The following NXF1 variants were observed in gnomAD, a reference collection of about 807,000 sequenced individuals.
NXF1 encodes nuclear RNA export factor 1.
A neutral mutation model predicts 92.4 loss-of-function variants in NXF1; 43 were observed. The ratio of observed to expected loss-of-function variants is 0.47; its 90% CI spans 0.36 to 0.60. The LOEUF (loss-of-function observed/expected upper bound fraction) is 0.60, where lower values mean the gene tolerates loss of function less well. Ranked by LOEUF, NXF1 falls within the 20% of genes least tolerant of loss-of-function variation. The probability of loss-of-function intolerance (pLI) is 0.00; values close to 1 mark genes in which losing one functional copy is unlikely to be tolerated. For missense variants in NXF1, 576 were observed against 793.0 expected, an observed-to-expected ratio of 0.73 and a Z score of 3.29; for synonymous variants, 288 against 292.2, an observed-to-expected ratio of 0.99 and a Z score of 0.15.
chr11:62,796,686 C>T (rs917362843), intron 13 of NXF1, 119 bp from the exon 14 acceptor site: 6 of 680,988 alleles, frequency 8.8e-6, no homozygotes, highest in Non-Finnish European at 1.3e-5. Flanking sequence ...AATCCCAGCA[C>T]TTTGGGAGGC....
chr11:62,798,294 A>G (rs2084441868), intron 11 of NXF1, among the ~76,000 whole-genome samples: 1 of 150,674 alleles, frequency 6.6e-6, no homozygotes, highest in Non-Finnish European at 1.5e-5. Flanking sequence ...CAGGTGTGGT[A>G]GCACATGCCT....
chr11:62,799,449 G>A, intron 10 of NXF1: 1 of 985,800 alleles, frequency 1.0e-6, no homozygotes, highest in Non-Finnish European at 1.2e-6. Flanking sequence ...TCAGGCCCCT[G>A]TAGGATTGTG....
chr11:62,797,540 C>CA (rs919084154), intron 11 of NXF1, among the ~76,000 whole-genome samples, 154 bp from the exon 12 acceptor site: 5 of 151,196 alleles, frequency 3.3e-5, no homozygotes, highest in Non-Finnish European at 5.9e-5. Context: ...CCATCTCTAC[C>CA]AAAAAAAATA....
intron 9 of NXF1, among the ~76,000 whole-genome samples, chr11:62,800,806 G>C (rs538074197): frequency 1.3e-5 from 2 of 151,878 alleles, no homozygotes; most frequent in South Asian, 4.2e-4. Context: ...TTTGAGACAG[G>C]TTGCTCAGGC....
rs1479085945 is a variant in NXF1, at chr11:62,803,343, G to A, written c.369+76C>T. The A allele has an allele frequency of 6.6e-6, 8 of 1,213,396 alleles. No homozygotes were observed. The South Asian group carries it at 1.1e-4, about 17-fold the overall frequency. The allele number at this position is 1,213,396 out of a possible 1,614,324, so 75.2% of individuals were successfully genotyped here. A position where few individuals can be genotyped will look rare whatever the true frequency, so the allele number is the denominator to read the frequency against. ...AAAAATAATAATAATAATTTTTGTG[G>A]AATAAAATTAAACATCTCCACTCTC... is the stretch of plus-strand genomic sequence containing the variant. On this transcript the variant is annotated intron_variant, in intron 3 of 20. Transcript: ENST00000294172.
Position 62,798,591 on chromosome 11 carries a change from C to T in NXF1, c.1017-16G>A, listed in dbSNP as rs767994563. ...GCGAATGGCGCTGTCAAGAACGGGA[C>T]AGAAGTGAGTGATGCTTCAGAGCCA... On this transcript the variant is annotated splice_polypyrimidine_tract_variant and intron_variant, in intron 10 of 20. Transcript: ENST00000294172. 7.4e-6 allele frequency: 12 copies of T among 1,613,912 alleles called. No homozygotes were observed. The highest frequency in any genetic ancestry group is 1.7e-5 in the Admixed American group (1 of 59,974).
chr11:62,796,375 T>C, intron 14 of NXF1, 30 bp from the exon 15 acceptor site: 1 of 1,613,976 alleles, frequency 6.2e-7, no homozygotes, highest in South Asian at 1.1e-5. Context: ...GGACGTGGTG[T>C]TCAGAGCAGT....
chr11:62,795,175 A>C, intron 17 of NXF1, 168 bp from the exon 18 acceptor site: 1 of 615,438 alleles, frequency 1.6e-6, no homozygotes, highest in Non-Finnish European at 2.9e-6. Context: ...TCAGGTCAGA[A>C]AGGACAATAG....
At chr11:62,796,397 G>T (rs1417302267) in intron 14 of NXF1, 52 bp from the exon 15 acceptor site, 12 of 1,610,450 alleles carry the variant, frequency 7.5e-6, no homozygotes, top group African/African-American at 1.3e-5. Flanking sequence ...CTGCCAGCAG[G>T]TGTGCCCTGT....
rs1196423745 is a variant in NXF1, at chr11:62,799,275, A to G, written c.1017-700T>C. ...CACAGCCCTTTCTTTCAGCTGCCCC[A>G]TCCCTGTGGTCCAAGGTAGAAATGA... is the stretch of plus-strand genomic sequence containing the variant. On this transcript the variant is annotated intron_variant, in intron 10 of 20. Coordinates refer to ENST00000294172, the MANE Select transcript of NXF1 (RefSeq NM_006362.5). 11 of 985,478 alleles carry G rather than the reference A, an allele frequency of 1.1e-5. No homozygotes were observed. In the South Asian group the frequency reaches 4.7e-4, roughly 42 times the overall value. The allele number at this position is 985,478 out of a possible 1,614,324, so 61.0% of individuals were successfully genotyped here.
intron 19 of NXF1, 21 bp from the exon 20 acceptor site, chr11:62,792,722 G>A (rs1451188899): frequency 6.2e-7 from 1 of 1,613,486 alleles, no homozygotes; most frequent in Non-Finnish European, 8.5e-7. Context: ...AGAACAGGCA[G>A]CTCTGTAAGA....
In NXF1 at chr11:62,794,183, A is replaced by G. The variant is rs1348123466; in HGVS notation, c.1760+75T>C. On this transcript the variant is annotated intron_variant, in intron 19 of 20. Coordinates refer to ENST00000294172, the MANE Select transcript of NXF1 (RefSeq NM_006362.5). Reference sequence around the variant, plus strand: ...TTGTCTCCAAAAAAAAAACAAAAAAACTGTCAGGAGCCCTCATTATTTACT... The same window carrying G: ...TTGTCTCCAAAAAAAAAACAAAAAAGCTGTCAGGAGCCCTCATTATTTACT... 2.8e-6 allele frequency: 4 copies of G among 1,436,212 alleles called. No individual in the cohort carries two copies. The Admixed American group carries it at 8.7e-5, about 31-fold the overall frequency. 89.0% of individuals were successfully genotyped at this position (1,436,212 alleles called of 1,614,324 possible). A position where few individuals can be genotyped will look rare whatever the true frequency, so the allele number is the denominator to read the frequency against.
chr11:62,801,771 C>A lies in NXF1; in HGVS notation c.607G>T (p.Glu203Ter). Residue 203 changes from glutamate to a stop codon, truncating the protein, a stop_gained, in exon 6 of 21, where the codon GAA becomes TAA. Coordinates refer to ENST00000294172, the MANE Select transcript of NXF1 (RefSeq NM_006362.5). LOFTEE classifies it high-confidence loss of function. Reference protein sequence around the residue: ...SSAPPHTILNELKPEQVEQLK... With the variant: ...SSAPPHTILN Reference sequence around the variant, plus strand: ...TGTTCTACTTGTTCTGGCTTCAGTTCATTCAGTATAGTGTGGGGTGGAGCA... The same window carrying A: ...TGTTCTACTTGTTCTGGCTTCAGTTAATTCAGTATAGTGTGGGGTGGAGCA... The A allele has an allele frequency of 6.2e-7, 1 of 1,613,994 alleles. No homozygotes were observed. Among genetic ancestry groups the A allele is most frequent in the South Asian group, 1.1e-5 (1 of 91,052 alleles).
chr11:62,800,993 T>C (rs1368770465), intron 9 of NXF1, 101 bp downstream of exon 9: 4 of 862,482 alleles, frequency 4.6e-6, no homozygotes, highest in African/African-American at 3.3e-5. Flanking sequence ...AACCAGCACA[T>C]CTGGCCTGAG....
intron 19 of NXF1, among the ~76,000 whole-genome samples, chr11:62,793,752 G>C (rs941904352): frequency 1.3e-5 from 2 of 149,192 alleles, no homozygotes; most frequent in Middle Eastern, 3.2e-3. Flanking sequence ...GGGAGGCCGA[G>C]GTAGGCAGAT....
At chr11:62,804,122 CCACAGGAAAGAACCCT>C in intron 1 of NXF1, 144 bp from the exon 2 acceptor site, 10 of 1,557,700 alleles carry the variant, frequency 6.4e-6, no homozygotes, top group Non-Finnish European at 8.6e-6. Flanking sequence ...CGCTCCCTAT[CCACAGGAAAGAACCCT>C]CTCTGTGGGA....
At chr11:62,796,801 G>A (rs1415699102) in intron 13 of NXF1, 7 of 557,518 alleles carry the variant, frequency 1.3e-5, no homozygotes, top group Middle Eastern at 4.8e-4. Context: ...AGGTGCGGTG[G>A]CTCACGCCTC....
At chr11:62,794,472 C>G (rs1410524020) in intron 18 of NXF1, 32 bp from the exon 19 acceptor site, 1 of 1,571,496 alleles carries the variant, frequency 6.4e-7, no homozygotes, top group Non-Finnish European at 8.7e-7. Flanking sequence ...AAAAGCTAGA[C>G]AGAGATAACA....
chr11:62,799,631 A>C (rs938563155), intron 10 of NXF1: 2 of 985,524 alleles, frequency 2.0e-6, no homozygotes. Flanking sequence ...AGTGAGGGAG[A>C]GGCAGCGCCC....
Sources: gnomAD v4.1 joint callset for allele counts (sites outside exome capture counted in the v4.1 genomes callset) on GRCh38, gnomAD v4.1.1 for gene constraint, MANE v1.5 for transcripts, NCBI Gene and HGNC (gene_info 2026-07-23, HGNC 2026-07-21) for gene names.